Variants in DAB2IP observed in about 807,000 individuals in gnomAD.
DAB2IP encodes the protein DAB2 interacting protein.
A neutral mutation model predicts 107.2 loss-of-function variants in DAB2IP; 28 were observed. The observed-to-expected ratio is 0.26, with a 90% CI of 0.19 to 0.36. DAB2IP has a LOEUF of 0.36. Ranked by LOEUF, DAB2IP falls within the 10% of genes least tolerant of loss-of-function variation. The probability of loss-of-function intolerance (pLI) is 1.00; values close to 1 mark genes in which losing one functional copy is unlikely to be tolerated. For synonymous variants in DAB2IP, 755 were observed against 706.4 expected (o/e 1.07, Z -1.09); for missense variants, 1,400 against 1,644.7 (o/e 0.85, Z 2.57).
At chr9:121,716,829 GTTTCC>G (rs2118799794) in intron 3 of DAB2IP, among the ~76,000 whole-genome samples, 1 of 152,310 alleles carries the variant, frequency 6.6e-6, no homozygotes, top group Admixed American at 6.5e-5. Flanking sequence ...AGTGCCACAC[GTTTCC>G]CATGGTCAAC....
At chr9:121,691,700 G>T (rs1367438278) in intron 2 of DAB2IP, among the ~76,000 whole-genome samples, 2 of 152,116 alleles carry the variant, frequency 1.3e-5, no homozygotes, top group East Asian at 3.9e-4. Context: ...TAAGTCATGA[G>T]CCCAAGGCCC....
At position 121,770,676 on chromosome 9, in the gene DAB2IP, GCA is replaced by G. The variant is rs1834655856; in HGVS notation, c.2031_2032del (p.Ile678LeufsTer10). The G allele has an allele frequency of 1.9e-6, 3 of 1,614,088 alleles. No individual in the cohort carries two copies. The African/African-American group carries it at 4.0e-5, about 22-fold the overall frequency. ...TCCACACCGGGCTCTGGCAGCAGCA[GCA>G]TCTCAGCTGGGCTGCAGAAGATGGT... On this transcript the variant is annotated frameshift_variant, in exon 11 of 16. Transcript: ENST00000408936. LOFTEE classifies it high-confidence loss of function.
chr9:121,761,903 G>C (rs1322355991), intron 6 of DAB2IP, among the ~76,000 whole-genome samples: 1 of 152,054 alleles, frequency 6.6e-6, no homozygotes. Flanking sequence ...TTCAGTACCT[G>C]GTTCCCAGGG....
intron 3 of DAB2IP, chr9:121,751,798 CAGG>C (rs1182173068): frequency 8.3e-6 from 3 of 359,350 alleles, no homozygotes; most frequent in Non-Finnish European, 1.2e-5. Context: ...TTGGTCTAGA[CAGG>C]AGAAGGCCAG....
intron 2 of DAB2IP, among the ~76,000 whole-genome samples, chr9:121,693,705 G>A (rs1829277584): frequency 6.6e-6 from 1 of 152,234 alleles, no homozygotes; most frequent in South Asian, 2.1e-4. Flanking sequence ...AGGCCCACAT[G>A]CCCATCTGCA....
At chr9:121,747,269 G>T (rs1439375296) in intron 3 of DAB2IP, among the ~76,000 whole-genome samples, 1 of 152,034 alleles carries the variant, frequency 6.6e-6, no homozygotes, top group African/African-American at 2.4e-5. Context: ...AGCAAGAGGG[G>T]CAGGGGCAGC....
At chr9:121,610,488 T>G (rs968072824) in intron 1 of DAB2IP, among the ~76,000 whole-genome samples, 1 of 152,102 alleles carries the variant, frequency 6.6e-6, no homozygotes, top group Non-Finnish European at 1.5e-5. Flanking sequence ...GTCACCCAGC[T>G]GGGAAGGGCA....
At chr9:121,783,323 T>C in exon 16 of DAB2IP, 1 of 1,419,844 alleles carries the variant, frequency 7.0e-7, no homozygotes, top group African/African-American at 1.4e-5. Context: ...AAGCCAGAGA[T>C]CTGGGCGGAT....
Position 121,757,010 on chromosome 9 carries a change from C to T in DAB2IP, c.363-3C>T. The T allele has an allele frequency of 6.2e-7, 1 of 1,613,970 alleles. No individual in the cohort carries two copies. Among genetic ancestry groups the T allele is most frequent in the Non-Finnish European group, 8.5e-7 (1 of 1,179,956 alleles). On this transcript the variant is annotated splice_region_variant and splice_polypyrimidine_tract_variant and intron_variant, in intron 3 of 15. Coordinates refer to ENST00000408936, the Ensembl canonical transcript of DAB2IP. ...CCACCTGACACACCTACTGCCACCC[C>T]AGGTCCCATCTGATGCCGAGGCTGA...
intron 3 of DAB2IP, among the ~76,000 whole-genome samples, chr9:121,710,215 G>T (rs913174403): frequency 6.6e-6 from 1 of 152,246 alleles, no homozygotes; most frequent in African/African-American, 2.4e-5. Flanking sequence ...GACAGCAGGT[G>T]AGTGGCATAG....
At chr9:121,629,714 C>G (rs903496969) in intron 1 of DAB2IP, among the ~76,000 whole-genome samples, 1 of 152,146 alleles carries the variant, frequency 6.6e-6, no homozygotes, top group Admixed American at 6.5e-5. Flanking sequence ...TTCAGATAAG[C>G]TGGGACAACC....
chr9:121,688,831 A>G (rs1240472440), intron 2 of DAB2IP, among the ~76,000 whole-genome samples: 2 of 152,230 alleles, frequency 1.3e-5, no homozygotes, highest in East Asian at 1.9e-4. Flanking sequence ...GAGTAAGCGC[A>G]GGGTGAGCAG....
exon 9 of DAB2IP, chr9:121,766,725 T>C (rs1007591147): frequency 1.2e-6 from 2 of 1,613,752 alleles, no homozygotes; most frequent in Admixed American, 1.7e-5. Flanking sequence ...TGGCCAACTT[T>C]GCCAAGTGAG....
chr9:121,720,242 G>A (rs1830845319), intron 3 of DAB2IP, among the ~76,000 whole-genome samples: 1 of 152,178 alleles, frequency 6.6e-6, no homozygotes, highest in Non-Finnish European at 1.5e-5. Context: ...TTGTCTGTGT[G>A]CCTCATTGAG....
intron 1 of DAB2IP, among the ~76,000 whole-genome samples, chr9:121,661,063 C>G (rs73552166): frequency 0.15 from 22,240 of 151,742 alleles, 4,278 homozygotes; most frequent in African/African-American, 0.44. Flanking sequence ...CGTGAAGAAG[C>G]GGGAGGATGA....
chr9:121,602,221 G>A (rs1273505701), intron 1 of DAB2IP, among the ~76,000 whole-genome samples: 1 of 152,190 alleles, frequency 6.6e-6, no homozygotes, highest in Non-Finnish European at 1.5e-5. Context: ...CTTAAGATGG[G>A]TATGCTGTTC....
intron 3 of DAB2IP, among the ~76,000 whole-genome samples, chr9:121,738,832 C>G (rs990436335): frequency 2.0e-5 from 3 of 152,246 alleles, no homozygotes; most frequent in African/African-American, 7.2e-5. Flanking sequence ...AGCTCTTATA[C>G]TGTGTCAGAC....
chr9:121,642,027 CTCTCTTTCTT>C (rs1431220844), intron 1 of DAB2IP, among the ~76,000 whole-genome samples: 3 of 39,514 alleles, frequency 7.6e-5, no homozygotes, highest in Non-Finnish European at 1.4e-4. Flanking sequence ...CTCTCTCTCT[CTCTCTTTCTT>C]TCTTTCTTTC....
rs1177907014 is a variant in DAB2IP, at chr9:121,760,379, G to A, written c.1110G>A (p.Lys370=). 6.2e-7 allele frequency: 1 copy of A among 1,610,802 alleles called. No individual in the cohort carries two copies. The highest frequency in any genetic ancestry group is 1.7e-5 in the Admixed American group (1 of 60,008). The change falls in exon 6 of 16, where the codon AAG becomes AAA. Residue 370 remains lysine (K), a synonymous_variant. Coordinates refer to ENST00000408936, the Ensembl canonical transcript of DAB2IP. The surrounding 1 kb of genome is among the most constrained non-coding windows in gnomAD (Gnocchi z 5.9). ...CCCTCGAGCCCATCCTCAGTGCCAAGACCAAGGAGGAGATGGCATCTGCCC... is the reference window on the plus strand; with the variant it reads ...CCCTCGAGCCCATCCTCAGTGCCAAAACCAAGGAGGAGATGGCATCTGCCC...
Sources: gnomAD v4.1 joint callset for allele counts (sites outside exome capture counted in the v4.1 genomes callset) on GRCh38, gnomAD v4.1.1 for gene constraint, Gnocchi (gnomAD v3.1) non-coding constraint, MANE v1.5 for transcripts, NCBI Gene and HGNC (gene_info 2026-07-23, HGNC 2026-07-21) for gene names.